Variants in PWWP4 observed in about 807,000 individuals in gnomAD.
PWWP4 encodes the protein PWWP domain containing 4.
chrX:153,276,071 G>T (rs1392265918), exon 1 of PWWP4, among the ~76,000 whole-genome samples: 5 of 101,459 alleles, frequency 4.9e-5, no homozygotes, highest in Non-Finnish European at 9.9e-5. Context: ...CCTATGCCAG[G>T]GGCCCTGCAT....
chrX:153,275,765 A>G (rs2051824825), exon 1 of PWWP4, among the ~76,000 whole-genome samples: 1 of 68,848 alleles, frequency 1.5e-5, no homozygotes, highest in East Asian at 7.2e-4. Context: ...CGCGATGACA[A>G]GTCATGGAAA....
At chrX:153,269,789 A>G (rs1332220917), upstream of PWWP4, among the ~76,000 whole-genome samples, 1 of 109,731 alleles carries the variant, frequency 9.1e-6, no homozygotes, top group Non-Finnish European at 1.9e-5. Flanking sequence ...TCTTCGGTGC[A>G]CGTTTCTATA....
chrX:153,269,994 C>T (rs1222680176), upstream of PWWP4, among the ~76,000 whole-genome samples: 4 of 109,888 alleles, frequency 3.6e-5, no homozygotes, highest in African/African-American at 6.7e-5. Flanking sequence ...GCCTTGGAAG[C>T]GGGCACATTA....
exon 1 of PWWP4, among the ~76,000 whole-genome samples, chrX:153,275,602 A>C (rs1406355767): frequency 9.7e-6 from 1 of 102,662 alleles, no homozygotes; most frequent in Non-Finnish European, 1.9e-5. Flanking sequence ...GGGCGGTGGC[A>C]GCTCATCAGC....
chrX:153,266,523 G>A, the PWWP4 span, among the ~76,000 whole-genome samples: 2 of 107,804 alleles, frequency 1.9e-5, no homozygotes, highest in Non-Finnish European at 3.8e-5. Flanking sequence ...GTTTGGGGGT[G>A]TGTGTATGGA....
chrX:153,266,487 A>G, the PWWP4 span, among the ~76,000 whole-genome samples: 5 of 70,903 alleles, frequency 7.1e-5, no homozygotes, highest in East Asian at 5.4e-4. Context: ...GTGTGTGAGG[A>G]TGTGTGTGTG....
exon 1 of PWWP4, among the ~76,000 whole-genome samples, chrX:153,276,025 C>T (rs1428727744): frequency 5.2e-5 from 5 of 95,664 alleles, no homozygotes; most frequent in Non-Finnish European, 8.2e-5. Context: ...AGGCCCTCTG[C>T]GCGGTGACAG....
upstream of PWWP4, among the ~76,000 whole-genome samples, chrX:153,270,125 A>G (rs1218931790): frequency 9.2e-6 from 1 of 108,332 alleles, no homozygotes; most frequent in Non-Finnish European, 1.9e-5. Flanking sequence ...ACATGACAAG[A>G]CTCACCTGTC....
upstream of PWWP4, among the ~76,000 whole-genome samples, chrX:153,271,005 TG>T (rs1343038103): frequency 9.9e-6 from 1 of 101,492 alleles, no homozygotes; most frequent in African/African-American, 3.6e-5. Flanking sequence ...ACCCAGCATC[TG>T]CATGTGGGAG....
At chrX:153,270,351 C>A (rs1489826049), upstream of PWWP4, among the ~76,000 whole-genome samples, 2 of 101,297 alleles carry the variant, frequency 2.0e-5, no homozygotes, top group Non-Finnish European at 3.9e-5. Flanking sequence ...CGCTAAGTGG[C>A]ATAACAGGGA....
upstream of PWWP4, among the ~76,000 whole-genome samples, chrX:153,270,212 C>CAGAGAGAG (rs1322132253): frequency 9.9e-6 from 1 of 100,792 alleles, no homozygotes; most frequent in East Asian, 4.1e-4. Context: ...CACACACACA[C>CAGAGAGAG]AGAGAGAGAG....
chrX:153,266,366 T>C, the PWWP4 span, among the ~76,000 whole-genome samples: 1 of 101,148 alleles, frequency 9.9e-6, no homozygotes, highest in East Asian at 4.7e-4. Context: ...TGTGTGGACA[T>C]GTGTGTATGT....
upstream of PWWP4, among the ~76,000 whole-genome samples, chrX:153,271,372 T>TGATACATTTCCGCTCTCCC (rs1322923751): frequency 5.5e-5 from 6 of 108,843 alleles, no homozygotes; most frequent in African/African-American, 2.0e-4. Flanking sequence ...GATGCTTTCC[T>TGATACATTTCCGCTCTCCC]GATACATTTC....
Position 153,276,183 on chromosome X carries a change from C to T in PWWP4, c.4566C>T (p.Gly1522=), listed in dbSNP as rs1233349387. Among the ~76,000 whole-genome samples, 335 of 100,659 alleles carry T rather than the reference C, an allele frequency of 3.3e-3. 16 individuals carry two copies. Among genetic ancestry groups the T allele is most frequent in the African/African-American group, 0.012 (321 of 26,190 alleles). The allele number at this position is 100,659 out of a possible 115,157, so 87.4% of individuals were successfully genotyped here. ...GCATGGCCATTGCTCCTACTCCAGG[C>T]GCCCTGCACAGTGACAGGTCACAGA... The change falls in exon 1 of 1, where the codon GGC becomes GGT. Residue 1522 remains glycine, a synonymous_variant. Transcript: ENST00000458091.
At chrX:153,270,176 T>TTC (rs1184739253), upstream of PWWP4, among the ~76,000 whole-genome samples, 18,530 of 90,164 alleles carry the variant, frequency 0.21, 822 homozygotes, top group Non-Finnish European at 0.24. Context: ...CACATTTCAT[T>TTC]TCTCTCTCTC....
At chrX:153,272,167 G>A (rs1308231999) in exon 1 of PWWP4, among the ~76,000 whole-genome samples, 3 of 106,401 alleles carry the variant, frequency 2.8e-5, no homozygotes, top group Non-Finnish European at 3.9e-5. Flanking sequence ...TACTCCAGGC[G>A]CCCTGCCCGG....
the PWWP4 span, among the ~76,000 whole-genome samples, chrX:153,266,367 G>C: frequency 9.8e-6 from 1 of 101,752 alleles, no homozygotes; most frequent in Non-Finnish European, 2.0e-5. Flanking sequence ...GTGTGGACAT[G>C]TGTGTATGTG....
chrX:153,266,267 G>C, the PWWP4 span, among the ~76,000 whole-genome samples: 2 of 99,766 alleles, frequency 2.0e-5, no homozygotes, highest in African/African-American at 3.9e-5. Context: ...GTCGGGGGCG[G>C]GGGGGAGGTG....
chrX:153,266,551 G>T, the PWWP4 span, among the ~76,000 whole-genome samples: 1 of 109,286 alleles, frequency 9.2e-6, no homozygotes, highest in African/African-American at 3.4e-5. Context: ...GTGTGAGGAA[G>T]TATGTGTCTC....
Sources: gnomAD v4.1 joint callset for allele counts (sites outside exome capture counted in the v4.1 genomes callset) on GRCh38, gnomAD v4.1.1 for gene constraint, MANE v1.5 for transcripts, NCBI Gene and HGNC (gene_info 2026-07-23, HGNC 2026-07-21) for gene names.